The following TRIM66 variants were observed in gnomAD, a reference collection of about 807,000 sequenced individuals.
TRIM66 encodes tripartite motif containing 66.
A neutral mutation model predicts 148.2 loss-of-function variants in TRIM66; 99 were observed. The ratio of observed to expected loss-of-function variants is 0.67; its 90% CI spans 0.57 to 0.79. TRIM66 has a LOEUF of 0.79. TRIM66 is among the 30% of genes least tolerant of loss of function. The pLI is 0.00. For synonymous variants in TRIM66, 616 were observed against 635.9 expected, an observed-to-expected ratio of 0.97 and a Z score of 0.47; for missense variants, 1,666 against 1,697.9, an observed-to-expected ratio of 0.98 and a Z score of 0.33.
chr11:8,668,008 C>T (rs1358893111), intron 6 of TRIM66, among the ~76,000 whole-genome samples: 1 of 152,240 alleles, frequency 6.6e-6, no homozygotes, highest in Non-Finnish European at 1.5e-5. Context: ...AGCAGCCACA[C>T]TGTATTATAT....
chr11:8,621,836 A>AC lies in TRIM66; in HGVS notation c.3081-18dup, dbSNP rs1162083525. 1.3e-6 allele frequency: 2 copies of AC among 1,522,120 alleles called. No homozygotes were observed. The highest frequency in any genetic ancestry group is 4.4e-5 in the Admixed American group (2 of 45,868). The allele number at this position is 1,522,120 out of a possible 1,614,324, so 94.3% of individuals were successfully genotyped here. On this transcript the variant is annotated splice_polypyrimidine_tract_variant and intron_variant, in intron 18 of 24. Coordinates refer to ENST00000646038, the MANE Select transcript of TRIM66 (RefSeq NM_001388022.1). ...TTGAAGGCTCTGCAGCAAGACAGAC[A>AC]CCCCGGGGTCTTGGTGGGATCCTCC... is the stretch of plus-strand genomic sequence containing the variant.
intron 15 of TRIM66, among the ~76,000 whole-genome samples, chr11:8,630,710 TCCTCTTG>T (rs979162993): frequency 6.6e-6 from 1 of 152,170 alleles, no homozygotes; most frequent in East Asian, 1.9e-4. Context: ...CCTGTCCCTT[TCCTCTTG>T]CCTCTTTTTT....
At chr11:8,621,611 C>T (rs1460227534) in intron 19 of TRIM66, 34 bp downstream of exon 19, 2 of 1,482,472 alleles carry the variant, frequency 1.3e-6, no homozygotes, top group East Asian at 4.9e-5. Context: ...TAGGCTGGGC[C>T]AGGGTTTAAG....
At chr11:8,683,131 C>T (rs1052333376), upstream of TRIM66, 3 of 1,465,166 alleles carry the variant, frequency 2.0e-6, no homozygotes, top group African/African-American at 2.8e-5. Context: ...CTTACAGGAC[C>T]ATCTCGGCTG....
chr11:8,673,764 A>G (rs1023923226), intron 4 of TRIM66, among the ~76,000 whole-genome samples: 1 of 152,272 alleles, frequency 6.6e-6, no homozygotes, highest in Admixed American at 6.5e-5. Context: ...TATAACAGCT[A>G]AAAGCCAAAG....
chr11:8,648,192 A>G, intron 9 of TRIM66, 106 bp from the exon 10 acceptor site: 1 of 1,197,436 alleles, frequency 8.4e-7, no homozygotes, highest in Admixed American at 2.0e-5. Flanking sequence ...GACCCATGGA[A>G]GCTGTGATGA....
chr11:8,649,885 G>C lies in TRIM66; in HGVS notation c.447C>G (p.Asn149Lys). The change falls in exon 8 of 25, where the codon AAC (asparagine) becomes AAG (lysine). Residue 149 changes from asparagine (N) to lysine (K), a missense_variant and splice_region_variant. By Grantham distance (94) the Asn-to-Lys change is moderately conservative. Transcript: ENST00000646038. ...CCCTCTTCTCCTTGCACTCAGAGCA[G>C]TTCTGGAAGCAGAGAGTTCTGGAGT... ...VPTEQPKMAR[N>K]CSECKEKRAA... 1 of 1,550,634 alleles carries C rather than the reference G, an allele frequency of 6.4e-7. No individual in the cohort carries two copies. Among genetic ancestry groups the C allele is most frequent in the Non-Finnish European group, 8.7e-7 (1 of 1,146,150 alleles).
chr11:8,668,878 G>A (rs1209450969), intron 6 of TRIM66, among the ~76,000 whole-genome samples: 3 of 152,020 alleles, frequency 2.0e-5, no homozygotes, highest in Non-Finnish European at 4.4e-5. Context: ...GAGCCACCGC[G>A]CCCAGTCCCA....
intron 18 of TRIM66, among the ~76,000 whole-genome samples, 191 bp downstream of exon 18, chr11:8,622,625 G>A (rs1041010059): frequency 3.3e-5 from 5 of 151,846 alleles, no homozygotes; most frequent in Admixed American, 6.6e-5. Context: ...CGCATGCCTC[G>A]TGGTGCAGGA....
rs146758411 is a variant in TRIM66, at chr11:8,670,166, C to A, written c.340+1620G>T. ...TAGCTGGGACTATAGGCACGCAACA[C>A]CATGCCCGGCTAATTTTTGTATTTT... On this transcript the variant is annotated intron_variant, in intron 6 of 24. Transcript: ENST00000646038. Among the ~76,000 whole-genome samples, 1,297 of 152,158 alleles carry A rather than the reference C, an allele frequency of 8.5e-3. 19 individuals carry two copies. Among genetic ancestry groups the A allele is most frequent in the African/African-American group, 0.029 (1,220 of 41,522 alleles).
chr11:8,667,054 G>A (rs1486761485), intron 6 of TRIM66, among the ~76,000 whole-genome samples: 2 of 152,060 alleles, frequency 1.3e-5, no homozygotes, highest in Non-Finnish European at 2.9e-5. Context: ...CTGACCTCAG[G>A]TGATCCACCT....
chr11:8,646,524 T>C lies in TRIM66; in HGVS notation c.880A>G (p.Asn294Asp). ...ACCATCTTGGCCATTTTGATCTGGT[T>C]TTCCACCTTCCTATGCTGATGCTTC... ...EVKHQHRKVE[N>D]QIKMAKMVLM... Residue 294 changes from asparagine to aspartate, a missense_variant, in exon 11 of 25, where the codon AAC becomes GAC. By Grantham distance (23) the Asn-to-Asp change is conservative (BLOSUM62 1). Around this residue, in one of 3 missense-constraint regions of TRIM66, gnomAD observed 1,431 missense variants for 1,412.4 expected, o/e 1.01. Coordinates refer to ENST00000646038, the MANE Select transcript of TRIM66 (RefSeq NM_001388022.1). The C allele has an allele frequency of 6.4e-7, 1 of 1,552,022 alleles. No homozygotes were observed. Among genetic ancestry groups the C allele is most frequent in the Non-Finnish European group, 8.7e-7 (1 of 1,147,068 alleles).
chr11:8,633,236 C>T (rs1261231170), intron 15 of TRIM66, among the ~76,000 whole-genome samples: 1 of 152,044 alleles, frequency 6.6e-6, no homozygotes, highest in African/African-American at 2.4e-5. Flanking sequence ...ACAGGAGAAT[C>T]GCTTGAATCT....
In TRIM66 at chr11:8,666,826, C is replaced by CA. The variant is rs557012140; in HGVS notation, c.340+4959dup. ...TTCAGGTAATTGTCATACATATAGA[C>CA]AGAGATGGAGTCTCACTTTGTCGCC... On this transcript the variant is annotated intron_variant, in intron 6 of 24. Transcript: ENST00000646038. 3.1e-4 allele frequency among the ~76,000 whole-genome samples: 47 copies of CA among 152,152 alleles called. 1 individual carries two copies. The East Asian group carries it at 8.3e-3, about 27-fold the overall frequency.
At chr11:8,651,283 T>C (rs1565541075) in intron 7 of TRIM66, among the ~76,000 whole-genome samples, 11 of 152,114 alleles carry the variant, frequency 7.2e-5, no homozygotes. Context: ...ACTAATTTAC[T>C]AATTTACCCT....
rs2039497685 is a variant in TRIM66 at position 8,682,623 on chromosome 11, G to A, written c.-570C>T. The A allele has an allele frequency of 4.5e-6, 3 of 665,108 alleles. No homozygotes were observed. The Admixed American group carries it at 7.6e-5, about 17-fold the overall frequency. 41.2% of individuals were successfully genotyped at this position (665,108 alleles called of 1,614,324 possible). On this transcript the variant is annotated 5_prime_UTR_variant, in exon 1 of 25. Transcript: ENST00000646038. ...CACCGAAACCGTACACCGCCACCAGGACACTCCGTGATGGGGGATCACCAC... is the reference window on the plus strand; with the variant it reads ...CACCGAAACCGTACACCGCCACCAGAACACTCCGTGATGGGGGATCACCAC...
In TRIM66 at chr11:8,617,875, G is replaced by A; in HGVS notation, c.*69C>T. On this transcript the variant is annotated 3_prime_UTR_variant, in exon 25 of 25. Coordinates refer to ENST00000646038, the MANE Select transcript of TRIM66 (RefSeq NM_001388022.1). Reference sequence around the variant, plus strand: ...ATCCACACTCTGAAGAGGATAAGCTGCAAGATGGGGAGGAATGGTCGACAG... The same window carrying A: ...ATCCACACTCTGAAGAGGATAAGCTACAAGATGGGGAGGAATGGTCGACAG... The A allele has an allele frequency of 6.9e-7, 1 of 1,441,190 alleles. No homozygotes were observed. 89.3% of individuals were successfully genotyped at this position (1,441,190 alleles called of 1,614,324 possible).
At chr11:8,675,393 CTTTT>C (rs1565580291) in intron 3 of TRIM66, among the ~76,000 whole-genome samples, 1 of 152,126 alleles carries the variant, frequency 6.6e-6, no homozygotes, top group African/African-American at 2.4e-5. Context: ...GCCAGTTATT[CTTTT>C]TTTAGATGCA....
intron 15 of TRIM66, among the ~76,000 whole-genome samples, chr11:8,636,207 T>A (rs751182151): frequency 5.9e-5 from 9 of 151,960 alleles, no homozygotes; most frequent in South Asian, 2.1e-4. Flanking sequence ...CTTTAACGCA[T>A]GATTTCATCT....
Sources: gnomAD v4.1 joint callset for allele counts (sites outside exome capture counted in the v4.1 genomes callset) on GRCh38, gnomAD v4.1.1 for gene constraint, gnomAD v4.1.1 regional missense constraint, MANE v1.5 for transcripts, NCBI Gene and HGNC (gene_info 2026-07-23, HGNC 2026-07-21) for gene names.